The following TP63 variants were observed in gnomAD, a reference collection of about 807,000 sequenced individuals.
TP63 encodes tumor protein p63, also known as tumor protein 63.
In TP63, 17 loss-of-function variants were observed where a neutral mutation model predicts 82.8. The ratio of observed to expected loss-of-function variants is 0.21; its 90% CI spans 0.14 to 0.31. TP63 has a LOEUF of 0.31. Among genes scored for constraint, TP63 ranks in the 10% least tolerant of loss-of-function variants. The probability of loss-of-function intolerance (pLI) is 1.00; values close to 1 mark genes in which losing one functional copy is unlikely to be tolerated. For missense variants in TP63, 648 were observed against 895.3 expected (o/e 0.72, Z 3.52); for synonymous variants, 330 against 321.7 (o/e 1.03, Z -0.28).
chr3:189,826,514 G>A (rs185825006), intron 4 of TP63, among the ~76,000 whole-genome samples: 143 of 152,248 alleles, frequency 9.4e-4, no homozygotes, highest in Middle Eastern at 3.4e-3. Flanking sequence ...AATAGAATAC[G>A]AAGGAACTAT....
chr3:189,755,635 G>A (rs549561934), intron 3 of TP63, among the ~76,000 whole-genome samples: 2 of 152,032 alleles, frequency 1.3e-5, no homozygotes, highest in South Asian at 4.2e-4. Flanking sequence ...ATTTTCTTGT[G>A]CTATATGCTT....
chr3:189,665,334 C>G (rs1279210482), intron 1 of TP63, among the ~76,000 whole-genome samples: 5 of 152,080 alleles, frequency 3.3e-5, no homozygotes, highest in Non-Finnish European at 7.4e-5. Flanking sequence ...AGAGGAATAT[C>G]ACAAATATTG....
rs536847401 is a variant in TP63, at chr3:189,653,179, T to G, written c.62+21602T>G. ...ACCTATAGCTAATTCCATAAAGATA[T>G]ACCTATTAAAAGGACCATATAGTTA... On this transcript the variant is annotated intron_variant, in intron 1 of 13. Transcript: ENST00000264731. Among the ~76,000 whole-genome samples the G allele has an allele frequency of 1.5e-3, 234 of 152,272 alleles. 1 individual carries two copies. Among genetic ancestry groups the G allele is most frequent in the Middle Eastern group, 6.8e-3 (2 of 294 alleles).
At chr3:189,852,279 A>T (rs1292687869) in intron 4 of TP63, among the ~76,000 whole-genome samples, 2 of 152,098 alleles carry the variant, frequency 1.3e-5, no homozygotes, top group Non-Finnish European at 2.9e-5. Flanking sequence ...ACTTCATGTA[A>T]TTTTTTTATT....
the TP63 span, among the ~76,000 whole-genome samples, chr3:189,626,025 T>A: frequency 6.6e-6 from 1 of 152,178 alleles, no homozygotes; most frequent in Non-Finnish European, 1.5e-5. Flanking sequence ...TTGATGAATT[T>A]CAGTGACCTG....
chr3:189,792,044 A>G (rs113688637), intron 3 of TP63, among the ~76,000 whole-genome samples: 7,142 of 152,168 alleles, frequency 0.047, 219 homozygotes, highest in Admixed American at 0.077. Flanking sequence ...TTTGACTTCA[A>G]ATAAATTTAT....
intron 1 of TP63, among the ~76,000 whole-genome samples, chr3:189,693,864 G>A (rs772213362): frequency 6.6e-6 from 1 of 152,132 alleles, no homozygotes; most frequent in Non-Finnish European, 1.5e-5. Context: ...TACCTCACAA[G>A]GTCGTTGTGA....
chr3:189,730,039 C>T (rs928044759), intron 1 of TP63, among the ~76,000 whole-genome samples: 3 of 152,046 alleles, frequency 2.0e-5, no homozygotes, highest in African/African-American at 4.8e-5. Context: ...GAAGCTAACC[C>T]GAAGACTCAT....
At chr3:189,721,651 G>A (rs1719401896) in intron 1 of TP63, among the ~76,000 whole-genome samples, 1 of 152,056 alleles carries the variant, frequency 6.6e-6, no homozygotes, top group Non-Finnish European at 1.5e-5. Context: ...AAACCACCTG[G>A]GAGGCTCTCG....
At chr3:189,610,355 C>T in the TP63 span, among the ~76,000 whole-genome samples, 3 of 152,172 alleles carry the variant, frequency 2.0e-5, no homozygotes, top group African/African-American at 7.2e-5. Context: ...GAACACAAGT[C>T]ACCTCTTGAA....
At chr3:189,875,605 T>TATATATATATATATATATACACAC (rs1718995386) in intron 10 of TP63, among the ~76,000 whole-genome samples, 2 of 58,690 alleles carry the variant, frequency 3.4e-5, no homozygotes, top group Admixed American at 3.1e-4. Context: ...TATATATATA[T>TATATATATATATATATATACACAC]ATATATATAT....
At chr3:189,795,997 CTG>C (rs1725662211) in intron 3 of TP63, among the ~76,000 whole-genome samples, 1 of 152,028 alleles carries the variant, frequency 6.6e-6, no homozygotes. Context: ...AACTGACTCT[CTG>C]TGTTTATTAT....
chr3:189,712,560 C>G (rs529948917), intron 1 of TP63, among the ~76,000 whole-genome samples: 1 of 152,020 alleles, frequency 6.6e-6, no homozygotes, highest in African/African-American at 2.4e-5. Flanking sequence ...CTCTTTGAGG[C>G]CTTTTTTACA....
chr3:189,790,002 G>T, intron 3 of TP63, among the ~76,000 whole-genome samples: 1 of 150,770 alleles, frequency 6.6e-6, no homozygotes, highest in Non-Finnish European at 1.5e-5. Flanking sequence ...TGTGGTGGCT[G>T]TAAGATTTTT....
At chr3:189,710,883 G>T (rs1238622315) in intron 1 of TP63, among the ~76,000 whole-genome samples, 1 of 152,158 alleles carries the variant, frequency 6.6e-6, no homozygotes. Flanking sequence ...GTTAAAAAAT[G>T]CAGAGCAGGG....
At chr3:189,846,051 G>A (rs987941508) in intron 4 of TP63, among the ~76,000 whole-genome samples, 1 of 152,026 alleles carries the variant, frequency 6.6e-6, no homozygotes, top group Non-Finnish European at 1.5e-5. Flanking sequence ...CAGTCTGCCA[G>A]CCAAAAGCGT....
At chr3:189,816,298 A>G (rs553800264) in intron 4 of TP63, among the ~76,000 whole-genome samples, 1 of 152,340 alleles carries the variant, frequency 6.6e-6, no homozygotes, top group Middle Eastern at 3.4e-3. Flanking sequence ...AAATGAATGC[A>G]AACTTAAAAT....
intron 1 of TP63, among the ~76,000 whole-genome samples, chr3:189,697,589 T>A (rs879290355): frequency 7.2e-5 from 11 of 152,002 alleles, no homozygotes; most frequent in Non-Finnish European, 1.5e-4. Context: ...AAAAAATAAA[T>A]AACCTTCCAG....
chr3:189,611,157 A>G, the TP63 span, among the ~76,000 whole-genome samples: 1 of 152,112 alleles, frequency 6.6e-6, no homozygotes, highest in Non-Finnish European at 1.5e-5. Context: ...ATTAGATCTC[A>G]TTTGTCAATT....
Sources: gnomAD v4.1 joint callset for allele counts (sites outside exome capture counted in the v4.1 genomes callset) on GRCh38, gnomAD v4.1.1 for gene constraint, MANE v1.5 for transcripts, NCBI Gene and HGNC (gene_info 2026-07-23, HGNC 2026-07-21) for gene names.